The following ELAVL4 variants were observed in gnomAD, a reference collection of about 807,000 sequenced individuals.
ELAVL4 encodes ELAV-like protein 4.
A neutral mutation model predicts 35.6 loss-of-function variants in ELAVL4; 1 was observed. The ratio of observed to expected loss-of-function variants is 0.03; its 90% CI spans 0.01 to 0.13. The LOEUF (loss-of-function observed/expected upper bound fraction) is 0.13, where lower values mean the gene tolerates loss of function less well. Ranked by LOEUF, ELAVL4 falls within the 10% of genes least tolerant of loss-of-function variation. The pLI is 1.00. For missense variants in ELAVL4, 267 were observed against 464.9 expected, an observed-to-expected ratio of 0.57 and a Z score of 3.91; for synonymous variants, 156 against 171.0, an observed-to-expected ratio of 0.91 and a Z score of 0.69.
intron 1 of ELAVL4, among the ~76,000 whole-genome samples, chr1:50,131,902 AC>A (rs1037429751): frequency 6.6e-6 from 1 of 150,962 alleles, no homozygotes; most frequent in African/African-American, 2.4e-5. Flanking sequence ...AAAAAAAAAA[AC>A]CAGAAGTTTG....
At chr1:50,183,391 C>A (rs1373690841) in intron 3 of ELAVL4, among the ~76,000 whole-genome samples, 2 of 152,032 alleles carry the variant, frequency 1.3e-5, no homozygotes, top group Non-Finnish European at 2.9e-5. Context: ...AGGCAGGCAG[C>A]CGGTGAGAGA....
chr1:50,106,123 T>C (rs989829829), upstream of ELAVL4: 1 of 450,002 alleles, frequency 2.2e-6, no homozygotes, highest in African/African-American at 2.0e-5. Flanking sequence ...TTGGTTGTCT[T>C]TTTTTATTTG....
chr1:50,130,605 T>C (rs1670686171), intron 1 of ELAVL4, among the ~76,000 whole-genome samples: 1 of 152,158 alleles, frequency 6.6e-6, no homozygotes, highest in Non-Finnish European at 1.5e-5. Flanking sequence ...TGAGTGTTTG[T>C]CATATTCCAG....
At chr1:50,122,981 G>C (rs571785452) in intron 1 of ELAVL4, among the ~76,000 whole-genome samples, 1 of 152,170 alleles carries the variant, frequency 6.6e-6, no homozygotes, top group South Asian at 2.1e-4. Flanking sequence ...TAGTAAAGGA[G>C]ACATGGCCCC....
chr1:50,052,320 C>T (rs1663427760), intron 1 of ELAVL4, among the ~76,000 whole-genome samples: 1 of 152,170 alleles, frequency 6.6e-6, no homozygotes, highest in African/African-American at 2.4e-5. Flanking sequence ...TACAGATACA[C>T]CTACACATAC....
intron 2 of ELAVL4, among the ~76,000 whole-genome samples, chr1:50,173,266 A>G (rs1462496104): frequency 2.6e-5 from 4 of 152,210 alleles, no homozygotes; most frequent in African/African-American, 9.6e-5. Flanking sequence ...TAGTAGGAGG[A>G]GACATTGTGT....
At chr1:50,068,480 T>C (rs1466670453) in intron 1 of ELAVL4, among the ~76,000 whole-genome samples, 2 of 152,184 alleles carry the variant, frequency 1.3e-5, no homozygotes, top group African/African-American at 4.8e-5. Context: ...GAAGGGCTTC[T>C]GGCACACTGT....
chr1:50,155,235 C>T (rs1472542640), intron 2 of ELAVL4, among the ~76,000 whole-genome samples: 7 of 137,682 alleles, frequency 5.1e-5, no homozygotes, highest in Non-Finnish European at 1.5e-5. Flanking sequence ...CATGTGTTCT[C>T]ATTGTTCAAT....
At chr1:50,103,975 G>C, upstream of ELAVL4, 1 of 1,614,004 alleles carries the variant, frequency 6.2e-7, no homozygotes, top group East Asian at 2.2e-5. Context: ...GACTGAAAAT[G>C]AGCCGGCTAC....
At chr1:50,075,869 C>G (rs1312854058) in intron 1 of ELAVL4, among the ~76,000 whole-genome samples, 1 of 151,784 alleles carries the variant, frequency 6.6e-6, no homozygotes, top group African/African-American at 2.4e-5. Context: ...ACTCTGTCAC[C>G]CAGGCTGGAG....
rs145697099 is a variant in ELAVL4, at chr1:50,165,427, G to GATAT, written c.251-11650_251-11647dup. On this transcript the variant is annotated intron_variant, in intron 2 of 6. Coordinates refer to ENST00000371824, the MANE Select transcript of ELAVL4 (RefSeq NM_001144774.3). ...TCTAGAAGGACAAGAACTAACAGGA[G>GATAT]ATATATATATATATAGATATAGATA... 6.0e-3 allele frequency among the ~76,000 whole-genome samples: 879 copies of GATAT among 147,096 alleles called. 6 individuals carry two copies. Among genetic ancestry groups the GATAT allele is most frequent in the Middle Eastern group, 0.031 (8 of 262 alleles).
upstream of ELAVL4, among the ~76,000 whole-genome samples, chr1:50,099,665 G>A (rs893437169): frequency 6.6e-6 from 1 of 151,990 alleles, no homozygotes; most frequent in East Asian, 1.9e-4. Flanking sequence ...ACTGAAGTCT[G>A]GAATTATGTT....
intron 2 of ELAVL4, among the ~76,000 whole-genome samples, chr1:50,148,147 A>C (rs1288308543): frequency 6.6e-6 from 1 of 152,176 alleles, no homozygotes; most frequent in Non-Finnish European, 1.5e-5. Context: ...ATTTTCTTAG[A>C]TGAGGAAACT....
chr1:50,096,416 C>T lies in ELAVL4; in HGVS notation c.18+48234C>T, dbSNP rs145140539. Among the ~76,000 whole-genome samples the T allele has an allele frequency of 8.9e-4, 133 of 148,708 alleles. 2 individuals are homozygous for T. In the East Asian group the frequency reaches 0.02, roughly 23 times the overall value. On this transcript the variant is annotated intron_variant, in intron 1 of 6. Coordinates refer to the ELAVL4 transcript ENST00000448907. The stretch of plus-strand genomic sequence containing the variant: ...AAGGCATTCTAGATGGAAGAAATTA[C>T]AGGCATAAAGACAAGTGTTGTGAGA...
intron 2 of ELAVL4, among the ~76,000 whole-genome samples, chr1:50,160,103 A>G (rs1378252248): frequency 6.6e-6 from 1 of 152,112 alleles, no homozygotes; most frequent in Non-Finnish European, 1.5e-5. Flanking sequence ...TCCATTTTCC[A>G]TTGCCTGGAA....
At chr1:50,163,292 C>A (rs936096974) in intron 2 of ELAVL4, among the ~76,000 whole-genome samples, 1 of 152,310 alleles carries the variant, frequency 6.6e-6, no homozygotes, top group Non-Finnish European at 1.5e-5. Flanking sequence ...ACTGATAATT[C>A]ATGAGTCTGA....
intron 3 of ELAVL4, among the ~76,000 whole-genome samples, chr1:50,192,197 G>T (rs1441548442): frequency 6.6e-6 from 1 of 152,214 alleles, no homozygotes; most frequent in East Asian, 1.9e-4. Context: ...CTAGAAGATG[G>T]AGATACTGAA....
At chr1:50,075,761 G>A (rs1361399620) in intron 1 of ELAVL4, among the ~76,000 whole-genome samples, 1 of 152,152 alleles carries the variant, frequency 6.6e-6, no homozygotes, top group African/African-American at 2.4e-5. Flanking sequence ...CCCGTCATAA[G>A]TTGAAAATAC....
intron 1 of ELAVL4, among the ~76,000 whole-genome samples, chr1:50,137,327 T>C (rs1269428924): frequency 6.6e-6 from 1 of 152,122 alleles, no homozygotes; most frequent in East Asian, 1.9e-4. Flanking sequence ...CCTGTAACTC[T>C]AGCCTGATTG....
Sources: allele counts gnomAD v4.1 joint callset (sites outside exome capture counted in the v4.1 genomes callset), GRCh38; gene constraint gnomAD v4.1.1; transcripts MANE v1.5; gene names NCBI Gene and HGNC (gene_info 2026-07-23, HGNC 2026-07-21).